The following LRP1 variants were observed in gnomAD, a reference collection of about 807,000 sequenced individuals.
The protein encoded by LRP1 is LDL receptor related protein 1, also known as prolow-density lipoprotein receptor-related protein 1.
LRP1 carries 51 observed loss-of-function variants against 541.5 expected under a neutral mutation model. That is an observed-to-expected ratio of 0.09 (90% CI 0.08 to 0.12). LRP1 has a LOEUF of 0.12. Ranked by LOEUF, LRP1 falls within the 10% of genes least tolerant of loss-of-function variation. The pLI, the probability that LRP1 is intolerant of heterozygous loss-of-function variation, is 1.00. For synonymous variants in LRP1, 2,219 were observed against 2,470.8 expected (o/e 0.90, Z 3.02); for missense variants, 3,878 against 6,376.2 (o/e 0.61, Z 13.34).
At chr12:57,194,179 G>A (rs1236599880) in intron 48 of LRP1, among the ~76,000 whole-genome samples, 167 bp downstream of exon 48, 1 of 152,184 alleles carries the variant, frequency 6.6e-6, no homozygotes, top group African/African-American at 2.4e-5. Context: ...TCCTGCTCCT[G>A]GGCTCTCGTG....
chr12:57,196,323 G>C, intron 55 of LRP1, 46 bp downstream of exon 55: 1 of 1,471,584 alleles, frequency 6.8e-7, no homozygotes, highest in East Asian at 2.5e-5. Flanking sequence ...AGACGTGCCA[G>C]GAACGCCTTT....
chr12:57,159,845 G>A lies in LRP1; in HGVS notation c.1819G>A (p.Val607Met). The A allele has an allele frequency of 6.2e-7, 1 of 1,614,208 alleles. No homozygotes were observed. The highest frequency in any genetic ancestry group is 8.5e-7 in the Non-Finnish European group (1 of 1,180,024). The change falls in exon 12 of 89, where the codon GTG becomes ATG. Residue 607 changes from valine (V) to methionine (M), a missense_variant. By Grantham distance (21) the Val-to-Met change is conservative. This residue lies in a region of LRP1 where 496 missense variants were observed against 861.0 expected (regional missense o/e 0.58). Coordinates refer to ENST00000243077, the MANE Select transcript of LRP1 (RefSeq NM_002332.3). ...LKDGIHNVEGVAVDWMGDNLY... is the reference protein window; with the variant it reads ...LKDGIHNVEGMAVDWMGDNLY... ...AACAGGCATCCACAATGTGGAGGGT[G>A]TGGCCGTGGACTGGATGGGAGACAA...
rs1239044494 is a variant in LRP1 at position 57,200,969 on chromosome 12, T to C, written c.10226-65T>C. The C allele has an allele frequency of 3.1e-6, 5 of 1,605,704 alleles. No individual in the cohort carries two copies. In the African/African-American group the frequency reaches 4.0e-5, roughly 13 times the overall value. ...AGCCTGTGTCCTCCCTGCTGAGGGA[T>C]GGGCACCCTCTCCCTGCCCCTGAGT... On this transcript the variant is annotated intron_variant, in intron 64 of 88. Transcript: ENST00000243077.
At chr12:57,138,704 T>G in intron 2 of LRP1, 123 bp downstream of exon 2, 2 of 1,351,174 alleles carry the variant, frequency 1.5e-6, no homozygotes, top group Non-Finnish European at 2.0e-6. Context: ...TGATTGTATT[T>G]GTCCATGACA....
intron 23 of LRP1, 87 bp from the exon 24 acceptor site, chr12:57,175,822 G>A (rs1479855715): frequency 1.0e-5 from 16 of 1,575,050 alleles, no homozygotes; most frequent in East Asian, 2.2e-5. Flanking sequence ...CCCAGTGCCC[G>A]GACCAGCAGA....
intron 1 of LRP1, among the ~76,000 whole-genome samples, chr12:57,135,841 G>A (rs1158773677): frequency 6.6e-6 from 1 of 152,072 alleles, no homozygotes; most frequent in East Asian, 1.9e-4. Context: ...GGGGGACAGC[G>A]GGGGGGACTC....
rs2036094365 is a variant in LRP1, at chr12:57,178,460, G to C, written c.4463G>C (p.Gly1488Ala). Residue 1488 changes from glycine (G) to alanine (A), a missense_variant, in exon 27 of 89, where the codon GGG becomes GCG. This residue lies in a region of LRP1 where 54 missense variants were observed against 167.7 expected (regional missense o/e 0.32). Coordinates refer to ENST00000243077, the MANE Select transcript of LRP1 (RefSeq NM_002332.3). This position sits in a 1 kb window ranked among gnomAD's most constrained non-coding sequence, Gnocchi z 5.8. ...LSHPFAVTLY[G>A]GEVYWTDWRT... ...CACCCGTTTGCAGTGACGCTGTACGGGGGGGAGGTCTACTGGACTGACTGG... is the reference window on the plus strand; with the variant it reads ...CACCCGTTTGCAGTGACGCTGTACGCGGGGGAGGTCTACTGGACTGACTGG... 1 of 1,614,254 alleles carries C rather than the reference G, an allele frequency of 6.2e-7. No individual in the cohort carries two copies.
intron 2 of LRP1, 55 bp from the exon 3 acceptor site, chr12:57,141,319 A>C (rs562977428): frequency 9.5e-5 from 153 of 1,608,916 alleles, no homozygotes; most frequent in Admixed American, 4.7e-4. Context: ...TGAACAGCTG[A>C]CCAGAGAGCC....
At chr12:57,199,627 G>A (rs910223617) in intron 61 of LRP1, among the ~76,000 whole-genome samples, 2 of 152,168 alleles carry the variant, frequency 1.3e-5, no homozygotes, top group African/African-American at 4.8e-5. Flanking sequence ...GTCAAGTGGG[G>A]GTCTGGGTGC....
Position 57,198,230 on chromosome 12 carries a change from C to T in LRP1, c.9357C>T (p.Cys3119=), listed in dbSNP as rs780428970. 1.1e-5 allele frequency: 18 copies of T among 1,613,354 alleles called. No homozygotes were observed. The highest frequency in any genetic ancestry group is 8.3e-5 in the Admixed American group (5 of 59,980). ...GGGTGGGTGGCAACCTGTACTGGTG[C>T]GACAAAGGCCGGGACACCATCGAGG... The part of the protein sequence containing the change: ...VDWVGGNLYW[C]DKGRDTIEVS... The change falls in exon 59 of 89, where the codon TGC becomes TGT. Residue 3119 remains cysteine, a synonymous_variant. Coordinates refer to ENST00000243077, the MANE Select transcript of LRP1 (RefSeq NM_002332.3).
chr12:57,172,577 C>T (rs542974764), intron 20 of LRP1, among the ~76,000 whole-genome samples: 6 of 152,294 alleles, frequency 3.9e-5, no homozygotes, highest in African/African-American at 9.6e-5. Flanking sequence ...TGGGCTCACT[C>T]GCTCTTCATG....
intron 77 of LRP1, 124 bp from the exon 78 acceptor site, chr12:57,208,587 G>A: frequency 1.6e-6 from 1 of 635,002 alleles, no homozygotes; most frequent in Middle Eastern, 2.7e-4. Context: ...TCTGTAGAAG[G>A]ACAGAATGCC....
intron 1 of LRP1, among the ~76,000 whole-genome samples, chr12:57,137,513 C>T (rs2035197495): frequency 6.6e-6 from 1 of 152,124 alleles, no homozygotes; most frequent in Non-Finnish European, 1.5e-5. Flanking sequence ...CTGAAAGTCT[C>T]CCTGAGGTCT....
At position 57,185,798 on chromosome 12, in the gene LRP1, G is replaced by A. The variant is rs369821399; in HGVS notation, c.6731G>A (p.Arg2244Gln). 9.3e-5 allele frequency: 150 copies of A among 1,614,040 alleles called. No individual in the cohort carries two copies. Among genetic ancestry groups the A allele is most frequent in the Middle Eastern group, 1.6e-4 (1 of 6,084 alleles). ...GTCATCGCCCTGGCCTTTGACTACC[G>A]GGCAGGCACCTCTCCGGGCACCCCC... ...KNVIALAFDY[R>Q]AGTSPGTPNR... Residue 2244 changes from arginine (R) to glutamine (Q), a missense_variant, in exon 41 of 89, where the codon CGG (arginine) becomes CAG (glutamine). Transcript: ENST00000243077. This position sits in a 1 kb window ranked among gnomAD's most constrained non-coding sequence, Gnocchi z 4.9.
intron 20 of LRP1, among the ~76,000 whole-genome samples, chr12:57,172,424 A>C (rs1232734194): frequency 6.6e-6 from 1 of 152,096 alleles, no homozygotes; most frequent in East Asian, 1.9e-4. Flanking sequence ...CCGCCTTGGC[A>C]TCCCAAAGTG....
At chr12:57,139,524 G>A (rs2035243294) in intron 2 of LRP1, among the ~76,000 whole-genome samples, 1 of 152,086 alleles carries the variant, frequency 6.6e-6, no homozygotes, top group South Asian at 2.1e-4. Context: ...CTGATGCTTG[G>A]GCGTTAGAAG....
chr12:57,195,976 C>T lies in LRP1; in HGVS notation c.8674C>T (p.Pro2892Ser). The T allele has an allele frequency of 6.2e-7, 1 of 1,613,106 alleles. No homozygotes were observed. ...NDCHDQSDEAPKNPHCTSQEH... is the reference protein window; with the variant it reads ...NDCHDQSDEASKNPHCTSQEH... The stretch of plus-strand genomic sequence containing the variant: ...CTGCCACGACCAGAGTGACGAGGCT[C>T]CCAAGAACCCACACTGCACCAGCCA... The change falls in exon 54 of 89, where the codon CCC becomes TCC. Residue 2892 changes from proline (P) to serine (S), a missense_variant. Physicochemically the swap from Pro to Ser is moderately conservative, Grantham distance 74. Coordinates refer to ENST00000243077, the MANE Select transcript of LRP1 (RefSeq NM_002332.3).
At position 57,184,050 on chromosome 12, in the gene LRP1, C is replaced by A; in HGVS notation, c.5930-35C>A. 1 of 1,607,476 alleles carries A rather than the reference C, an allele frequency of 6.2e-7. No individual in the cohort carries two copies. The highest frequency in any genetic ancestry group is 1.7e-5 in the Admixed American group (1 of 59,720). On this transcript the variant is annotated intron_variant, in intron 36 of 88. Transcript: ENST00000243077. This position sits in a 1 kb window ranked among gnomAD's most constrained non-coding sequence, Gnocchi z 7.8. ...AGACACCAGGTCCACCTGTCCTCAC[C>A]TAACCTCCCTGAGCCCCACCAACTC...
chr12:57,166,422 G>T (rs900852886), intron 17 of LRP1: 41 of 567,128 alleles, frequency 7.2e-5, no homozygotes, highest in Non-Finnish European at 1.1e-4. Context: ...ACTGCCGGGC[G>T]TGGTGGCGTG....
Sources: gnomAD v4.1 joint callset for allele counts (sites outside exome capture counted in the v4.1 genomes callset) on GRCh38, gnomAD v4.1.1 for gene constraint, gnomAD v4.1.1 regional missense constraint, Gnocchi (gnomAD v3.1) non-coding constraint, MANE v1.5 for transcripts, NCBI Gene and HGNC (gene_info 2026-07-23, HGNC 2026-07-21) for gene names.